PRSS56: variants seen among roughly 807,000 people sequenced by gnomAD.
PRSS56 encodes the protein protease, serine 56.
A neutral mutation model predicts 66.8 loss-of-function variants in PRSS56; 55 were observed. The observed-to-expected ratio is 0.82, with a 90% CI of 0.66 to 1.03. The LOEUF is 1.03. Ranked by LOEUF, PRSS56 falls within the 50% of genes least tolerant of loss-of-function variation. The pLI is 0.00. For missense variants in PRSS56, 869 were observed against 837.2 expected (o/e 1.04, Z -0.47); for synonymous variants, 409 against 387.9 (o/e 1.05, Z -0.64).
At chr2:232,522,476 CCT>C in intron 4 of PRSS56, 37 bp from the exon 5 acceptor site, 1 of 1,496,530 alleles carries the variant, frequency 6.7e-7, no homozygotes, top group Non-Finnish European at 8.9e-7. Flanking sequence ...GGGGTGTGCC[CCT>C]GTCCTTCCTG....
intron 11 of PRSS56, 126 bp downstream of exon 11, chr2:232,524,495 C>T (rs1056945397): frequency 3.3e-5 from 30 of 921,656 alleles, no homozygotes; most frequent in Non-Finnish European, 4.3e-5. Flanking sequence ...CTCGTTCTCC[C>T]CTCCCCGCCA....
rs1274184284 is a variant in PRSS56, at chr2:232,524,117, G to A, written c.1265G>A (p.Arg422Gln). Residue 422 changes from arginine to glutamine, a missense_variant, in exon 10 of 13, where the codon CGG (arginine) becomes CAG (glutamine). By Grantham distance (43) the Arg-to-Gln change is conservative. Coordinates refer to ENST00000617714, the MANE Select transcript of PRSS56 (RefSeq NM_001195129.2). ...CTGCTCGGGCCTCGTCCGGGACTGCGGCGCCTGGCCCCCGCCCTGGCTCTC... is the reference window on the plus strand; with the variant it reads ...CTGCTCGGGCCTCGTCCGGGACTGCAGCGCCTGGCCCCCGCCCTGGCTCTC... Reference protein sequence around the residue: ...QELLGPRPGLRRLAPALALPA... With the variant: ...QELLGPRPGLQRLAPALALPA... The A allele has an allele frequency of 1.3e-6, 2 of 1,512,540 alleles. No individual in the cohort carries two copies. The highest frequency in any genetic ancestry group is 1.8e-6 in the Non-Finnish European group (2 of 1,137,344). The allele number at this position is 1,512,540 out of a possible 1,614,324, so 93.7% of individuals were successfully genotyped here.
rs1418002054 is a variant in PRSS56, at chr2:232,524,054, C to T, written c.1202C>T (p.Ala401Val). 2 of 1,524,408 alleles carry T rather than the reference C, an allele frequency of 1.3e-6. No individual in the cohort carries two copies. The highest frequency in any genetic ancestry group is 2.0e-5 in the Admixed American group (1 of 50,364). The allele number at this position is 1,524,408 out of a possible 1,614,324, so 94.4% of individuals were successfully genotyped here. Reference sequence around the variant, plus strand: ...CGGTCCGCAGAGCTGCGCTCGCTGGCGCACACGCTGCTGGGCCTGCTGCGG... The same window carrying T: ...CGGTCCGCAGAGCTGCGCTCGCTGGTGCACACGCTGCTGGGCCTGCTGCGG... ...RRRRCELRSLAHTLLGLLRNA... is the reference protein window; with the variant it reads ...RRRRCELRSLVHTLLGLLRNA... Residue 401 changes from alanine to valine, a missense_variant, in exon 10 of 13, where the codon GCG becomes GTG. By Grantham distance (64) the Ala-to-Val change is moderately conservative. Coordinates refer to ENST00000617714, the MANE Select transcript of PRSS56 (RefSeq NM_001195129.2).
intron 1 of PRSS56, among the ~76,000 whole-genome samples, 175 bp downstream of exon 1, chr2:232,520,870 G>T (rs1406073151): frequency 2.0e-5 from 3 of 152,118 alleles, no homozygotes; most frequent in Admixed American, 2.0e-4. Context: ...GGAGAGGAGG[G>T]GTGTGGCGGG....
At chr2:232,521,451 C>T in intron 2 of PRSS56, 23 bp downstream of exon 2, 1 of 1,518,122 alleles carries the variant, frequency 6.6e-7, no homozygotes. Flanking sequence ...CCCCCCGTGC[C>T]CCAGTGAGCT....
Position 232,522,157 on chromosome 2 carries a change from T to C in PRSS56, c.443T>C (p.Val148Ala). The C allele has an allele frequency of 6.7e-7, 1 of 1,497,564 alleles. No individual in the cohort carries two copies. The allele number at this position is 1,497,564 out of a possible 1,614,324, so 92.8% of individuals were successfully genotyped here. The change falls in exon 4 of 13, where the codon GTA becomes GCA. Residue 148 changes from valine to alanine, a missense_variant. This residue lies in a region of PRSS56 where 315 missense variants were observed against 313.7 expected (regional missense o/e 1.00). Coordinates refer to ENST00000617714, the MANE Select transcript of PRSS56 (RefSeq NM_001195129.2). The stretch of plus-strand genomic sequence containing the variant: ...GTGCTCACGGCAGCGCACTGCTTTG[T>C]AGGGTAAGTAGGACCCCCAGGCCTT... ...SWVLTAAHCF[V>A]GAPNELLWTV...
Position 232,523,206 on chromosome 2 carries a change from T to G in PRSS56, c.849+4T>G. On this transcript the variant is annotated splice_donor_region_variant and intron_variant, in intron 7 of 12. Coordinates refer to ENST00000617714, the MANE Select transcript of PRSS56 (RefSeq NM_001195129.2). ...GGGGGGCGTTGACTCGTGCCAGGTA[T>G]GAACCCAGTCTGATGAGAAAAGGCC... The G allele has an allele frequency of 6.9e-7, 1 of 1,454,800 alleles. No homozygotes were observed. Among genetic ancestry groups the G allele is most frequent in the African/African-American group, 1.4e-5 (1 of 70,354 alleles). 90.1% of individuals were successfully genotyped at this position (1,454,800 alleles called of 1,614,324 possible).
At chr2:232,520,717 A>G in intron 1 of PRSS56, 22 bp downstream of exon 1, 1 of 1,484,226 alleles carries the variant, frequency 6.7e-7, no homozygotes, top group Non-Finnish European at 9.1e-7. Flanking sequence ...CTGGCCCGAG[A>G]GCCGCGGGGT....
In PRSS56 at chr2:232,524,381, C is replaced by T. The variant is rs1246477336; in HGVS notation, c.1414+12C>T. ...CGGAGAAGCCAACGGTAATGACGCC[C>T]CCTGCCGACCTTCAGGAGGGGATAG... On this transcript the variant is annotated intron_variant, in intron 11 of 12. Coordinates refer to ENST00000617714, the MANE Select transcript of PRSS56 (RefSeq NM_001195129.2). 1 of 1,533,950 alleles carries T rather than the reference C, an allele frequency of 6.5e-7. No homozygotes were observed. Among genetic ancestry groups the T allele is most frequent in the Non-Finnish European group, 8.7e-7 (1 of 1,145,968 alleles).
At position 232,523,132 on chromosome 2, in the gene PRSS56, T is replaced by G; in HGVS notation, c.779T>G (p.Leu260Arg). Residue 260 changes from leucine (L) to arginine (R), a missense_variant, in exon 7 of 13, where the codon CTG (leucine) becomes CGG (arginine). Around this residue, in one of 3 missense-constraint regions of PRSS56, gnomAD observed 551 missense variants for 506.9 expected, o/e 1.09. Transcript: ENST00000617714. Reference protein sequence around the residue: ...LLSTDTCRRALGPGLRPSTML... With the variant: ...LLSTDTCRRARGPGLRPSTML... ...AGCACCGACACCTGCCGAAGAGCCC[T>G]GGGGCCCGGGCTGCGCCCCAGCACC... is the stretch of plus-strand genomic sequence containing the variant. 6.5e-7 allele frequency: 1 copy of G among 1,533,560 alleles called. No individual in the cohort carries two copies. Among genetic ancestry groups the G allele is most frequent in the Non-Finnish European group, 8.7e-7 (1 of 1,145,518 alleles). The allele number at this position is 1,533,560 out of a possible 1,614,324, so 95.0% of individuals were successfully genotyped here. A position where few individuals can be genotyped will look rare whatever the true frequency, so the allele number is the denominator to read the frequency against.
Position 232,525,348 on chromosome 2 carries a change from C to A in PRSS56, c.1654C>A (p.Pro552Thr). Residue 552 changes from proline to threonine, a missense_variant, in exon 13 of 13, where the codon CCC (proline) becomes ACC (threonine). By Grantham distance (38) the Pro-to-Thr change is conservative (BLOSUM62 -1). Coordinates refer to ENST00000617714, the MANE Select transcript of PRSS56 (RefSeq NM_001195129.2). ...LEPATLARSL[P>T]RLLVQALQAF... ...GCCGGCCACACTGGCTCGCAGCCTC[C>A]CCCGGCTGCTGGTGCAGGCCCTGCA... 1 of 1,531,778 alleles carries A rather than the reference C, an allele frequency of 6.5e-7. No homozygotes were observed. Among genetic ancestry groups the A allele is most frequent in the Middle Eastern group, 1.8e-4 (1 of 5,698 alleles). The allele number at this position is 1,531,778 out of a possible 1,614,324, so 94.9% of individuals were successfully genotyped here.
At chr2:232,521,713 G>T in intron 2 of PRSS56, 103 bp from the exon 3 acceptor site, 1 of 1,176,974 alleles carries the variant, frequency 8.5e-7, no homozygotes, top group Non-Finnish European at 1.2e-6. Context: ...GGGCTGGAGG[G>T]CTGAGCGCGA....
chr2:232,524,796 C>T lies in PRSS56; in HGVS notation c.1473C>T (p.Ala491=). ...TGGCTGCCCTGCAGGGGGCCCATGC[C>T]TGGATCCTGCAGGTCCCCTCGGAGC... is the stretch of plus-strand genomic sequence containing the variant. The part of the protein sequence containing the change: ...QKLAALQGAH[A]WILQVPSEHL... The change falls in exon 12 of 13, where the codon GCC becomes GCT. Residue 491 remains alanine (A), a synonymous_variant. Coordinates refer to ENST00000617714, the MANE Select transcript of PRSS56 (RefSeq NM_001195129.2). The T allele has an allele frequency of 6.5e-7, 1 of 1,535,346 alleles. No homozygotes were observed. The highest frequency in any genetic ancestry group is 8.7e-7 in the Non-Finnish European group (1 of 1,146,322).
At position 232,522,595 on chromosome 2, in the gene PRSS56, G is replaced by A; in HGVS notation, c.527G>A (p.Arg176His). ...GEQAEEVPVN[R>H]ILPHPKFDPR... Reference sequence around the variant, plus strand: ...CAAGCGGAGGAGGTGCCAGTGAACCGCATCCTGCCCCACCCCAAGGTGAGA... The same window carrying A: ...CAAGCGGAGGAGGTGCCAGTGAACCACATCCTGCCCCACCCCAAGGTGAGA... Residue 176 changes from arginine (R) to histidine (H), a missense_variant, in exon 5 of 13, where the codon CGC (arginine) becomes CAC (histidine). Arg to His is a conservative substitution (Grantham distance 29). This residue lies in a region of PRSS56 where 315 missense variants were observed against 313.7 expected (regional missense o/e 1.00). Transcript: ENST00000617714. 1 of 1,535,288 alleles carries A rather than the reference G, an allele frequency of 6.5e-7. No individual in the cohort carries two copies. The highest frequency in any genetic ancestry group is 8.7e-7 in the Non-Finnish European group (1 of 1,146,452).
Position 232,525,443 on chromosome 2 carries a change from C to G in PRSS56, c.1749C>G (p.Pro583=). The G allele has an allele frequency of 6.5e-7, 1 of 1,528,828 alleles. No individual in the cohort carries two copies. The allele number at this position is 1,528,828 out of a possible 1,614,324, so 94.7% of individuals were successfully genotyped here. A position where few individuals can be genotyped will look rare whatever the true frequency, so the allele number is the denominator to read the frequency against. ...CCTGGATGGATGTAGGGCAGGGGCCCGGGCTGGAGAGGAAGGGGCACCACC... is the reference window on the plus strand; with the variant it reads ...CCTGGATGGATGTAGGGCAGGGGCCGGGGCTGGAGAGGAAGGGGCACCACC... ...EGPWMDVGQG[P]GLERKGHHPL... Residue 583 remains proline (P), a synonymous_variant, in exon 13 of 13, where the codon CCC becomes CCG. Transcript: ENST00000617714.
chr2:232,523,615 C>T (rs998098614), intron 8 of PRSS56, 37 bp downstream of exon 8: 92 of 1,505,318 alleles, frequency 6.1e-5, no homozygotes, highest in Non-Finnish European at 8.1e-5. Flanking sequence ...TCCCCAGTGC[C>T]CCAACGGACA....
Position 232,523,597 on chromosome 2 carries a change from A to G in PRSS56, c.1012+19A>G. The G allele has an allele frequency of 2.0e-6, 3 of 1,512,676 alleles. No individual in the cohort carries two copies. Among genetic ancestry groups the G allele is most frequent in the East Asian group, 2.5e-5 (1 of 40,674 alleles). The allele number at this position is 1,512,676 out of a possible 1,614,324, so 93.7% of individuals were successfully genotyped here. Reference sequence around the variant, plus strand: ...ATGAGCGGTGAGCGCCCTCTTTCCAATGCCCCGTCCCCAGTGCCCCAACGG... The same window carrying G: ...ATGAGCGGTGAGCGCCCTCTTTCCAGTGCCCCGTCCCCAGTGCCCCAACGG... On this transcript the variant is annotated intron_variant, in intron 8 of 12. Transcript: ENST00000617714.
At chr2:232,521,741 G>T in intron 2 of PRSS56, 75 bp from the exon 3 acceptor site, 2 of 1,425,386 alleles carry the variant, frequency 1.4e-6, no homozygotes, top group South Asian at 1.2e-5. Context: ...GATGGGGAGA[G>T]AGAGGCTCGG....
intron 6 of PRSS56, 91 bp from the exon 7 acceptor site, chr2:232,522,969 A>AG (rs1691317266): frequency 8.6e-7 from 1 of 1,166,894 alleles, no homozygotes; most frequent in Non-Finnish European, 1.1e-6. Flanking sequence ...GCTCTTTCAA[A>AG]GGGGGAGGAA....
Sources: gnomAD v4.1 joint callset for allele counts (sites outside exome capture counted in the v4.1 genomes callset) on GRCh38, gnomAD v4.1.1 for gene constraint, gnomAD v4.1.1 regional missense constraint, MANE v1.5 for transcripts, NCBI Gene and HGNC (gene_info 2026-07-23, HGNC 2026-07-21) for gene names.